PTK2: variants seen among roughly 807,000 people sequenced by gnomAD.
PTK2 encodes the protein focal adhesion kinase 1.
In PTK2, 45 loss-of-function variants were observed where a neutral mutation model predicts 150.1. The ratio of observed to expected loss-of-function variants is 0.30; its 90% CI spans 0.24 to 0.38. The LOEUF (loss-of-function observed/expected upper bound fraction) is 0.38. PTK2 is among the 10% of genes least tolerant of loss of function. The probability of loss-of-function intolerance (pLI) is 1.00; values close to 1 mark genes in which losing one functional copy is unlikely to be tolerated. For synonymous variants in PTK2, 432 were observed against 449.2 expected, an observed-to-expected ratio of 0.96 and a Z score of 0.48; for missense variants, 919 against 1,307.3, an observed-to-expected ratio of 0.70 and a Z score of 4.58.
At chr8:140,809,812 G>C (rs2100100377) in intron 10 of PTK2, among the ~76,000 whole-genome samples, 1 of 152,084 alleles carries the variant, frequency 6.6e-6, no homozygotes, top group South Asian at 2.1e-4. Flanking sequence ...TCTCAAAAAA[G>C]ATCTATTACT....
chr8:140,688,165 G>A (rs1209439688), intron 26 of PTK2, among the ~76,000 whole-genome samples: 1 of 152,146 alleles, frequency 6.6e-6, no homozygotes, highest in Non-Finnish European at 1.5e-5. Context: ...AGCCCTGACA[G>A]CAGTAGCAGA....
At chr8:140,807,987 G>T (rs1252144559) in intron 10 of PTK2, among the ~76,000 whole-genome samples, 1 of 152,164 alleles carries the variant, frequency 6.6e-6, no homozygotes, top group South Asian at 2.1e-4. Flanking sequence ...GGCAGGAAAG[G>T]CCTGGTTGAA....
chr8:140,737,970 T>C (rs771781408), intron 21 of PTK2, among the ~76,000 whole-genome samples: 20 of 152,146 alleles, frequency 1.3e-4, no homozygotes, highest in Non-Finnish European at 2.1e-4. Context: ...TAGTTATCTA[T>C]GGGGGCATTA....
chr8:140,745,853 A>AGC (rs1226449860), intron 18 of PTK2, among the ~76,000 whole-genome samples: 1 of 152,000 alleles, frequency 6.6e-6, no homozygotes, highest in Non-Finnish European at 1.5e-5. Flanking sequence ...TGCGAAAATT[A>AGC]GCTGGGCCTG....
chr8:140,864,221 G>T, intron 5 of PTK2, 91 bp downstream of exon 5: 1 of 699,734 alleles, frequency 1.4e-6, no homozygotes, highest in South Asian at 3.3e-5. Context: ...TCCTCCAAAC[G>T]TGAGCTTTAA....
At chr8:140,743,115 T>G in intron 20 of PTK2, 115 bp downstream of exon 23, 1 of 704,094 alleles carries the variant, frequency 1.4e-6, no homozygotes, top group Non-Finnish European at 2.3e-6. Flanking sequence ...GCTTCCTCCA[T>G]TTAGTTGATT....
intron 20 of PTK2, among the ~76,000 whole-genome samples, chr8:140,742,373 C>T (rs765502671): frequency 7.2e-5 from 11 of 152,138 alleles, no homozygotes; most frequent in Admixed American, 6.5e-5. Context: ...TACAAGTTTT[C>T]GTTTCTTCAG....
intron 7 of PTK2, among the ~76,000 whole-genome samples, chr8:140,838,254 T>A (rs1220045570): frequency 1.3e-5 from 2 of 152,216 alleles, no homozygotes; most frequent in African/African-American, 4.8e-5. Flanking sequence ...CATGTATAAT[T>A]CCTTTCTGTA....
intron 1 of PTK2, among the ~76,000 whole-genome samples, chr8:140,982,426 A>G (rs930261779): frequency 1.3e-5 from 2 of 152,180 alleles, no homozygotes; most frequent in Non-Finnish European, 2.9e-5. Context: ...GTGAAACCCC[A>G]TCTCTACTAA....
intron 14 of PTK2, among the ~76,000 whole-genome samples, chr8:140,784,466 A>G (rs1421146715): frequency 6.6e-6 from 1 of 152,184 alleles, no homozygotes; most frequent in Non-Finnish European, 1.5e-5. Context: ...ATAATCCACC[A>G]AACAAAACCC....
intron 2 of PTK2, chr8:140,892,603 T>C (rs1462098238): frequency 2.2e-6 from 1 of 460,108 alleles, no homozygotes. Context: ...GCATAAATAA[T>C]ACCTTTTTCA....
At chr8:140,996,592 C>G (rs866537565) in intron 1 of PTK2, among the ~76,000 whole-genome samples, 3 of 152,310 alleles carry the variant, frequency 2.0e-5, no homozygotes, top group Middle Eastern at 3.4e-3. Flanking sequence ...GTTTCCCATT[C>G]TGAAAATCCC....
chr8:140,820,347 C>G (rs575025765), intron 8 of PTK2, among the ~76,000 whole-genome samples: 4 of 151,496 alleles, frequency 2.6e-5, no homozygotes, highest in African/African-American at 9.7e-5. Flanking sequence ...GAGATCCACC[C>G]GCCTCAGCCT....
intron 14 of PTK2, among the ~76,000 whole-genome samples, chr8:140,766,176 T>C (rs912416416): frequency 6.6e-6 from 1 of 152,192 alleles, no homozygotes; most frequent in Non-Finnish European, 1.5e-5. Context: ...ACGTAGCTCA[T>C]GGTGTTACGA....
intron 2 of PTK2, among the ~76,000 whole-genome samples, chr8:140,892,073 T>C (rs1383417065): frequency 6.6e-6 from 1 of 152,100 alleles, no homozygotes; most frequent in Non-Finnish European, 1.5e-5. Context: ...TTGGGCGTGG[T>C]AGCGTGTTCC....
intron 9 of PTK2, 30 bp from the exon 10 acceptor site, chr8:140,818,384 G>A (rs775748550): frequency 9.8e-5 from 153 of 1,566,366 alleles, no homozygotes; most frequent in Non-Finnish European, 1.3e-4. Context: ...TGAGAACAGA[G>A]GTGGCAGAAG....
intron 4 of PTK2, among the ~76,000 whole-genome samples, chr8:140,877,317 G>A (rs1039230803): frequency 1.6e-4 from 25 of 151,880 alleles, no homozygotes; most frequent in Non-Finnish European, 1.5e-5. Context: ...TGCAGATGTG[G>A]GCCACCACAC....
intron 2 of PTK2, among the ~76,000 whole-genome samples, chr8:140,900,467 A>G (rs975604754): frequency 1.1e-4 from 16 of 152,188 alleles, no homozygotes; most frequent in Admixed American, 7.9e-4. Context: ...CATGCCTGTA[A>G]TCCCAGCACT....
intron 1 of PTK2, among the ~76,000 whole-genome samples, chr8:140,979,716 C>T (rs2100190683): frequency 6.6e-6 from 1 of 152,116 alleles, no homozygotes; most frequent in South Asian, 2.1e-4. Context: ...ATAAGGCGGG[C>T]TCTTTCCCGT....
Sources: gnomAD v4.1 joint callset for allele counts (sites outside exome capture counted in the v4.1 genomes callset) on GRCh38, gnomAD v4.1.1 for gene constraint, MANE v1.5 for transcripts, NCBI Gene and HGNC (gene_info 2026-07-23, HGNC 2026-07-21) for gene names.